The following RRAS2 variants were observed in gnomAD, a reference collection of about 807,000 sequenced individuals.
The protein encoded by RRAS2 is ras-related protein R-Ras2.
RRAS2 carries 7 observed loss-of-function variants against 27.6 expected under a neutral mutation model. That is an observed-to-expected ratio of 0.25 (90% CI 0.14 to 0.48). The LOEUF (loss-of-function observed/expected upper bound fraction) is 0.48. Among genes scored for constraint, RRAS2 ranks in the 20% least tolerant of loss-of-function variants. RRAS2 has a pLI of 0.99. For synonymous variants in RRAS2, 86 were observed against 90.9 expected, an observed-to-expected ratio of 0.95 and a Z score of 0.31; for missense variants, 178 against 256.2, an observed-to-expected ratio of 0.69 and a Z score of 2.08.
chr11:14,318,484 CAGAGAG>C (rs1156982420), intron 1 of RRAS2, among the ~76,000 whole-genome samples: 3 of 151,796 alleles, frequency 2.0e-5, no homozygotes, highest in African/African-American at 7.3e-5. Flanking sequence ...GCCTGGGTGA[CAGAGAG>C]AGAATCTGTC....
At chr11:14,344,432 C>T (rs1848786763) in intron 1 of RRAS2, among the ~76,000 whole-genome samples, 1 of 152,116 alleles carries the variant, frequency 6.6e-6, no homozygotes, top group African/African-American at 2.4e-5. Flanking sequence ...GGCAAATTTC[C>T]CTTAGTTGAC....
At chr11:14,303,266 G>A (rs1310467121) in intron 1 of RRAS2, among the ~76,000 whole-genome samples, 1 of 152,110 alleles carries the variant, frequency 6.6e-6, no homozygotes, top group Non-Finnish European at 1.5e-5. Context: ...TTTTACAATT[G>A]CTTATCCTTT....
intron 1 of RRAS2, among the ~76,000 whole-genome samples, chr11:14,326,298 C>A (rs1412851671): frequency 6.6e-6 from 1 of 152,168 alleles, no homozygotes; most frequent in Non-Finnish European, 1.5e-5. Flanking sequence ...TTTTAAAATG[C>A]TGCTGCTATT....
In RRAS2 at chr11:14,281,621, C is replaced by G. The variant is rs1465550850; in HGVS notation, c.508G>C (p.Glu170Gln). 1 of 1,599,742 alleles carries G rather than the reference C, an allele frequency of 6.3e-7. No individual in the cohort carries two copies. Among genetic ancestry groups the G allele is most frequent in the Non-Finnish European group, 8.5e-7 (1 of 1,175,264 alleles). The change falls in exon 5 of 6, where the codon GAA becomes CAA. Residue 170 changes from glutamate to glutamine, a missense_variant. Coordinates refer to ENST00000256196, the MANE Select transcript of RRAS2 (RefSeq NM_012250.6). Reference protein sequence around the residue: ...IRMNVDQAFHELVRVIRKFQE... With the variant: ...IRMNVDQAFHQLVRVIRKFQE... ...GCTTACCTGATAACCCGGACAAGTT[C>G]ATGGAAAGCTTGATCTACATTCATC...
At chr11:14,344,068 G>T (rs892122687) in intron 1 of RRAS2, among the ~76,000 whole-genome samples, 4 of 152,014 alleles carry the variant, frequency 2.6e-5, no homozygotes, top group Non-Finnish European at 5.9e-5. Context: ...ACTTAAGCCG[G>T]GGACATCAAG....
chr11:14,341,176 C>A (rs1848697025), intron 1 of RRAS2, among the ~76,000 whole-genome samples: 1 of 152,154 alleles, frequency 6.6e-6, no homozygotes, highest in African/African-American at 2.4e-5. Context: ...AAAAGTAATC[C>A]ATTTTCTAAA....
At chr11:14,359,192 G>C (rs1591496171), upstream of RRAS2, 5 of 999,888 alleles carry the variant, frequency 5.0e-6, no homozygotes, top group Non-Finnish European at 6.0e-6. Flanking sequence ...CTGGGGGCCG[G>C]GCTGCCAGGC....
intron 4 of RRAS2, 135 bp downstream of exon 4, chr11:14,294,336 C>G (rs1847490298): frequency 7.6e-6 from 4 of 527,758 alleles, no homozygotes; most frequent in Non-Finnish European, 1.3e-5. Flanking sequence ...GTGTGCCAGA[C>G]TCAGCTATAA....
chr11:14,315,646 A>C (rs1211479470), intron 1 of RRAS2, among the ~76,000 whole-genome samples: 1 of 152,238 alleles, frequency 6.6e-6, no homozygotes, highest in Non-Finnish European at 1.5e-5. Flanking sequence ...ATACGTGTTA[A>C]CAATAGAGGA....
chr11:14,330,535 G>C (rs549242279), intron 1 of RRAS2, among the ~76,000 whole-genome samples: 6 of 152,068 alleles, frequency 3.9e-5, no homozygotes, highest in Non-Finnish European at 8.8e-5. Context: ...CTGGTTCCTT[G>C]GGGTTGGGGG....
At chr11:14,360,609 G>C (rs573647333), upstream of RRAS2, among the ~76,000 whole-genome samples, 2 of 152,052 alleles carry the variant, frequency 1.3e-5, no homozygotes, top group Admixed American at 1.3e-4. Flanking sequence ...ATGTTACCCA[G>C]GCTAGTCTCG....
At chr11:14,342,046 C>A in intron 1 of RRAS2, 2 of 715,966 alleles carry the variant, frequency 2.8e-6, no homozygotes, top group Non-Finnish European at 3.6e-6. Context: ...TTATCAGTAG[C>A]CATCAATTGC....
intron 1 of RRAS2, among the ~76,000 whole-genome samples, chr11:14,319,918 G>C (rs1266543541): frequency 6.6e-6 from 1 of 152,078 alleles, no homozygotes; most frequent in East Asian, 1.9e-4. Context: ...AAACATATAC[G>C]TTATAAAACA....
chr11:14,287,479 C>T (rs1435547170), intron 4 of RRAS2, among the ~76,000 whole-genome samples: 2 of 152,082 alleles, frequency 1.3e-5, no homozygotes, highest in Non-Finnish European at 2.9e-5. Flanking sequence ...CAGTAGCTTT[C>T]CTGCTCCATT....
chr11:14,320,049 G>A (rs964148033), intron 1 of RRAS2, among the ~76,000 whole-genome samples: 13 of 152,126 alleles, frequency 8.5e-5, no homozygotes, highest in South Asian at 4.2e-4. Context: ...ATAAAGATGG[G>A]TTAAAGGTTT....
At chr11:14,284,208 C>G (rs1193406736) in intron 4 of RRAS2, among the ~76,000 whole-genome samples, 3 of 152,066 alleles carry the variant, frequency 2.0e-5, no homozygotes, top group African/African-American at 7.2e-5. Flanking sequence ...TAGTAGCATG[C>G]TATAAATTTT....
rs1847882762 is a variant in RRAS2, at chr11:14,308,529, C to A, written c.109-12674G>T. Reference sequence around the variant, plus strand: ...TGACACGTTTAGCTCCTACAATATGCCAAATATAATTTATAGGTGCTATCG... The same window carrying A: ...TGACACGTTTAGCTCCTACAATATGACAAATATAATTTATAGGTGCTATCG... On this transcript the variant is annotated intron_variant, in intron 1 of 5. Transcript: ENST00000256196. 3.3e-5 allele frequency among the ~76,000 whole-genome samples: 5 copies of A among 152,106 alleles called. No individual in the cohort carries two copies. The South Asian group carries it at 8.3e-4, about 25-fold the overall frequency.
At chr11:14,311,429 C>A (rs1847963635) in intron 1 of RRAS2, among the ~76,000 whole-genome samples, 1 of 152,222 alleles carries the variant, frequency 6.6e-6, no homozygotes, top group African/African-American at 2.4e-5. Flanking sequence ...TGCAGTGGCA[C>A]AATCTCGGCT....
intron 1 of RRAS2, among the ~76,000 whole-genome samples, chr11:14,298,518 A>G (rs1229497677): frequency 6.6e-6 from 1 of 152,234 alleles, no homozygotes; most frequent in African/African-American, 2.4e-5. Context: ...TGGATGTCTT[A>G]ACTCTTGAAA....
Sources: allele counts gnomAD v4.1 joint callset (sites outside exome capture counted in the v4.1 genomes callset), GRCh38; gene constraint gnomAD v4.1.1; transcripts MANE v1.5; gene names NCBI Gene and HGNC (gene_info 2026-07-23, HGNC 2026-07-21).